The following SUSD3 variants were observed in gnomAD, a reference collection of about 807,000 sequenced individuals.
SUSD3 encodes the protein sushi domain containing 3.
Under a neutral mutation model 20.6 loss-of-function variants are expected in SUSD3, and 18 were observed. That is an observed-to-expected ratio of 0.87 (90% CI 0.60 to 1.30). The LOEUF is 1.30. Ranked by LOEUF, SUSD3 falls within the 50% of genes most tolerant of loss-of-function variation. The pLI is 0.00. For synonymous variants in SUSD3, 137 were observed against 141.5 expected (o/e 0.97, Z 0.23); for missense variants, 306 against 346.9 (o/e 0.88, Z 0.94).
intron 1 of SUSD3, among the ~76,000 whole-genome samples, chr9:93,068,405 G>C (rs1825795699): frequency 6.6e-6 from 1 of 152,190 alleles, no homozygotes; most frequent in Admixed American, 6.5e-5. Context: ...AGTTGTCCCA[G>C]CATCAGTTTG....
Position 93,079,560 on chromosome 9 carries a change from T to G in SUSD3, c.515T>G (p.Val172Gly). The G allele has an allele frequency of 6.2e-7, 1 of 1,614,072 alleles. No individual in the cohort carries two copies. The highest frequency in any genetic ancestry group is 8.5e-7 in the Non-Finnish European group (1 of 1,180,010). The change falls in exon 4 of 5, where the codon GTG (valine) becomes GGG (glycine). Residue 172 changes from valine (V) to glycine (G), a missense_variant. By Grantham distance (109) the Val-to-Gly change is moderately radical. Transcript: ENST00000375472. ...YLGLKHFNKP[V>G]SGPSQAHDNH... ...GGCCTCAAGCACTTCAACAAACCCG[T>G]GAGCGGGCCCAGCCAGGCGCACGAC...
At chr9:93,084,474 A>T in intron 4 of SUSD3, 63 bp from the exon 5 acceptor site, 1 of 1,437,094 alleles carries the variant, frequency 7.0e-7, no homozygotes, top group Non-Finnish European at 9.3e-7. Context: ...CTGGGAAGGT[A>T]TGGAGTTGGG....
At chr9:93,084,445 C>T (rs1587926841) in intron 4 of SUSD3, 92 bp from the exon 5 acceptor site, 3 of 1,242,376 alleles carry the variant, frequency 2.4e-6, no homozygotes, top group Non-Finnish European at 3.3e-6. Context: ...GCCCCAGGCC[C>T]ACTGGAGGGC....
chr9:93,072,295 C>T (rs747319974), intron 1 of SUSD3, among the ~76,000 whole-genome samples: 13 of 152,346 alleles, frequency 8.5e-5, no homozygotes, highest in South Asian at 2.1e-4. Flanking sequence ...TCTGCACTCT[C>T]GCCCTCAGCA....
rs776483838 is a variant in SUSD3, at chr9:93,084,726, C to G, written c.747C>G (p.Pro249=). The G allele has an allele frequency of 1.3e-6, 2 of 1,585,206 alleles. No individual in the cohort carries two copies. Among genetic ancestry groups the G allele is most frequent in the East Asian group, 2.3e-5 (1 of 43,798 alleles). ...TGGCCACAGGAATGCCACAACAGCC[C>G]GCAGCATATGCCCTAGGGTGACCAC... The part of the protein sequence containing the change: ...SGLATGMPQQ[P]AAYALG The change falls in exon 5 of 5, where the codon CCC becomes CCG. Residue 249 remains proline, a synonymous_variant. Coordinates refer to ENST00000375472, the MANE Select transcript of SUSD3 (RefSeq NM_145006.4).
At chr9:93,081,003 C>T (rs1382015507) in intron 4 of SUSD3, among the ~76,000 whole-genome samples, 2 of 152,230 alleles carry the variant, frequency 1.3e-5, no homozygotes, top group African/African-American at 2.4e-5. Flanking sequence ...CTGTCCCTGC[C>T]TCCCATTCTC....
intron 1 of SUSD3, among the ~76,000 whole-genome samples, chr9:93,067,706 T>G (rs936671927): frequency 6.6e-6 from 1 of 151,730 alleles, no homozygotes. Flanking sequence ...CAAGTGATAC[T>G]CCTGCCTCAG....
chr9:93,079,686 C>G, intron 4 of SUSD3, 84 bp downstream of exon 4: 2 of 1,440,416 alleles, frequency 1.4e-6, no homozygotes, highest in South Asian at 1.2e-5. Context: ...TGCTCCCACA[C>G]GCTGAGAGCC....
rs1826600497 is a variant in SUSD3 at position 93,085,108 on chromosome 9, CA to C, written c.*363del. 1 of 191,472 alleles carries C rather than the reference CA, an allele frequency of 5.2e-6. No individual in the cohort carries two copies. The highest frequency in any genetic ancestry group is 1.1e-5 in the Non-Finnish European group (1 of 94,652). The allele number at this position is 191,472 out of a possible 1,614,324, so 11.9% of individuals were successfully genotyped here. On this transcript the variant is annotated 3_prime_UTR_variant, in exon 5 of 5. Transcript: ENST00000375472. The surrounding 1 kb of genome is among the most constrained non-coding windows in gnomAD (Gnocchi z 4.3). ...TTTGTATAATAAAATAAGAAAATAGCAATAAACTTCTTTTCAGCAACTACAG... is the reference window on the plus strand; with the variant it reads ...TTTGTATAATAAAATAAGAAAATAGCATAAACTTCTTTTCAGCAACTACAG...
In SUSD3 at chr9:93,058,844, C is replaced by T; in HGVS notation, c.88+14C>T. ...GGAACCGCACAGGTGAGGGCTGGGG[C>T]CGAGTGGCCGCGTGCGGGGCTCTGC... On this transcript the variant is annotated intron_variant, in intron 1 of 4. Coordinates refer to ENST00000375472, the MANE Select transcript of SUSD3 (RefSeq NM_145006.4). 1 of 1,259,082 alleles carries T rather than the reference C, an allele frequency of 7.9e-7. No homozygotes were observed. The highest frequency in any genetic ancestry group is 1.0e-6 in the Non-Finnish European group (1 of 998,682). 78.0% of individuals were successfully genotyped at this position (1,259,082 alleles called of 1,614,324 possible).
chr9:93,078,290 T>G (rs1465855304), intron 3 of SUSD3, among the ~76,000 whole-genome samples: 1 of 152,190 alleles, frequency 6.6e-6, no homozygotes, highest in African/African-American at 2.4e-5. Context: ...GGAGTCTTGC[T>G]CTGTCACCCA....
chr9:93,071,941 G>A (rs898230630), intron 1 of SUSD3, among the ~76,000 whole-genome samples: 2 of 152,116 alleles, frequency 1.3e-5, no homozygotes, highest in Non-Finnish European at 1.5e-5. Flanking sequence ...TGGGGCTCCC[G>A]AAACAGTGTG....
At chr9:93,083,268 C>T (rs569800723) in intron 4 of SUSD3, among the ~76,000 whole-genome samples, 1 of 152,272 alleles carries the variant, frequency 6.6e-6, no homozygotes, top group Non-Finnish European at 1.5e-5. Flanking sequence ...GCACTCAGCC[C>T]AGCTTCATGG....
chr9:93,075,507 A>G (rs754745203), intron 1 of SUSD3, among the ~76,000 whole-genome samples: 79 of 141,224 alleles, frequency 5.6e-4, no homozygotes, highest in South Asian at 1.1e-3. Context: ...CAGGGAAGGT[A>G]TGTTTGCTTT....
intron 1 of SUSD3, among the ~76,000 whole-genome samples, chr9:93,068,419 A>T (rs1825796771): frequency 6.6e-6 from 1 of 152,220 alleles, no homozygotes. Flanking sequence ...CAGTTTGTTG[A>T]AAAACTATTC....
At chr9:93,062,117 C>A (rs1051457283) in intron 1 of SUSD3, among the ~76,000 whole-genome samples, 1 of 152,206 alleles carries the variant, frequency 6.6e-6, no homozygotes, top group Non-Finnish European at 1.5e-5. Flanking sequence ...TCAGGCTTGG[C>A]CCCCTCCGTA....
intron 4 of SUSD3, among the ~76,000 whole-genome samples, chr9:93,080,653 G>A (rs1587921528): frequency 2.0e-5 from 3 of 152,228 alleles, no homozygotes; most frequent in Non-Finnish European, 4.4e-5. Context: ...TGGCTGAGGC[G>A]AAGCCCCCCA....
chr9:93,067,598 CT>C (rs200176712), intron 1 of SUSD3, among the ~76,000 whole-genome samples: 9,960 of 142,614 alleles, frequency 0.07, 398 homozygotes, highest in South Asian at 0.17. Context: ...TATTGTCTGT[CT>C]TTTTTTTTTT....
intron 1 of SUSD3, among the ~76,000 whole-genome samples, chr9:93,073,244 CT>C (rs573555207): frequency 1.5e-3 from 187 of 123,898 alleles, no homozygotes; most frequent in African/African-American, 2.2e-3. Flanking sequence ...TGTCCCTGTT[CT>C]TTTTTTTTTT....
Sources: allele counts gnomAD v4.1 joint callset (sites outside exome capture counted in the v4.1 genomes callset), GRCh38; gene constraint gnomAD v4.1.1; non-coding constraint Gnocchi (gnomAD v3.1); transcripts MANE v1.5; gene names NCBI Gene and HGNC (gene_info 2026-07-23, HGNC 2026-07-21).